The following DESI1 variants were observed in gnomAD, a reference collection of about 807,000 sequenced individuals.
DESI1 encodes desumoylating isopeptidase 1.
A neutral mutation model predicts 22.4 loss-of-function variants in DESI1; 17 were observed. The ratio of observed to expected loss-of-function variants is 0.76; its 90% CI spans 0.52 to 1.14. The LOEUF (loss-of-function observed/expected upper bound fraction) is 1.14, where lower values mean the gene tolerates loss of function less well. DESI1 is among the 50% of genes most tolerant of loss of function. The probability of loss-of-function intolerance (pLI) is 0.00; values close to 1 mark genes in which losing one functional copy is unlikely to be tolerated. For synonymous variants in DESI1, 92 were observed against 84.2 expected (o/e 1.09, Z -0.51); for missense variants, 177 against 208.9 (o/e 0.85, Z 0.94).
In DESI1 at chr22:41,601,148, C is replaced by T. The variant is rs2067447786; in HGVS notation, c.456G>A (p.Gln152=). ...CGGAGCTCCCTCCTGGAGGCTGGAT[C>T]TGAATGGAGTCCAGGAGGGGCCGAA... ...QALRPLLDSI[Q]IQPPGGSSVG... Residue 152 remains glutamine, a synonymous_variant, in exon 6 of 6, where the codon CAG becomes CAA. Transcript: ENST00000263256. The T allele has an allele frequency of 1.2e-6, 2 of 1,613,168 alleles. No homozygotes were observed. The highest frequency in any genetic ancestry group is 1.7e-6 in the Non-Finnish European group (2 of 1,179,804).
At position 41,607,300 on chromosome 22, in the gene DESI1, A is replaced by C; in HGVS notation, c.142T>G (p.Phe48Val). Residue 48 changes from phenylalanine to valine, a missense_variant, in exon 3 of 6, where the codon TTC becomes GTC. By Grantham distance (50) the Phe-to-Val change is conservative. Transcript: ENST00000263256. ...GAGATACCACCACTGCCGAAGAAGA[A>C]CTCATCCTTGTGCACAACTATGGAT... ...HTSIVVHKDEFFFGSGGISSC... is the reference protein window; with the variant it reads ...HTSIVVHKDEVFFGSGGISSC... The C allele has an allele frequency of 6.2e-7, 1 of 1,612,930 alleles. No individual in the cohort carries two copies. The highest frequency in any genetic ancestry group is 8.5e-7 in the Non-Finnish European group (1 of 1,179,418).
chr22:41,610,805 G>A (rs1172095250), intron 1 of DESI1, among the ~76,000 whole-genome samples: 8 of 152,048 alleles, frequency 5.3e-5, no homozygotes, highest in African/African-American at 1.4e-4. Context: ...CCCAGGAGGC[G>A]GAGGTTGCGA....
intron 4 of DESI1, among the ~76,000 whole-genome samples, chr22:41,603,641 G>GT (rs1177797021): frequency 2.0e-5 from 3 of 152,248 alleles, no homozygotes; most frequent in Non-Finnish European, 4.4e-5. Context: ...GAACTCTGGT[G>GT]TTAAGAGTTT....
chr22:41,604,080 A>G lies in DESI1; in HGVS notation c.254T>C (p.Leu85Pro). ...CTCCCCCAGGGAGGAGAGGTACTCC[A>G]GAAAGATTTCTTCTGTGACTTCTGT... ...GSTEVTEEIFLEYLSSLGESL... is the reference protein window; with the variant it reads ...GSTEVTEEIFPEYLSSLGESL... Residue 85 changes from leucine (L) to proline (P), a missense_variant, in exon 4 of 6, where the codon CTG (leucine) becomes CCG (proline). Leu to Pro is a moderately conservative substitution (Grantham distance 98). Coordinates refer to ENST00000263256, the MANE Select transcript of DESI1 (RefSeq NM_015704.3). 1 of 1,613,952 alleles carries G rather than the reference A, an allele frequency of 6.2e-7. No homozygotes were observed. Among genetic ancestry groups the G allele is most frequent in the Non-Finnish European group, 8.5e-7 (1 of 1,180,014 alleles).
At chr22:41,601,240 C>T (rs1569064441) in intron 5 of DESI1, 50 bp from the exon 6 acceptor site, 1 of 1,528,610 alleles carries the variant, frequency 6.5e-7, no homozygotes, top group Admixed American at 2.0e-5. Context: ...ATGTGGCCTG[C>T]TGTCACACAC....
intron 1 of DESI1, among the ~76,000 whole-genome samples, chr22:41,618,860 C>T (rs1460569485): frequency 1.3e-5 from 2 of 152,102 alleles, no homozygotes; most frequent in African/African-American, 2.4e-5. Flanking sequence ...GTGAGGAGAT[C>T]GAGACCATCC....
At chr22:41,606,625 T>C (rs1247394781) in intron 3 of DESI1, among the ~76,000 whole-genome samples, 4 of 151,440 alleles carry the variant, frequency 2.6e-5, no homozygotes, top group Non-Finnish European at 5.9e-5. Context: ...ATACAAAAAA[T>C]TAGCTGGGTG....
chr22:41,601,631 C>A (rs529944326), intron 5 of DESI1, among the ~76,000 whole-genome samples: 1 of 152,294 alleles, frequency 6.6e-6, no homozygotes, highest in East Asian at 1.9e-4. Context: ...CAGCAAACAA[C>A]TGGATTTTTT....
At chr22:41,615,722 T>C (rs1389790396) in intron 1 of DESI1, among the ~76,000 whole-genome samples, 1 of 152,186 alleles carries the variant, frequency 6.6e-6, no homozygotes, top group East Asian at 1.9e-4. Flanking sequence ...TGGGGACATA[T>C]AGGAAGGGGA....
intron 5 of DESI1, chr22:41,602,656 G>T: frequency 2.0e-6 from 2 of 987,214 alleles, no homozygotes. Flanking sequence ...GATGGCTTTG[G>T]GGGTGTTGTG....
rs112090062 is a variant in DESI1 at position 41,602,981 on chromosome 22, C to G, written c.413+278G>C. 729 of 585,592 alleles carry G rather than the reference C, an allele frequency of 1.2e-3. 5 individuals are homozygous for G. The highest frequency in any genetic ancestry group is 0.012 in the African/African-American group (651 of 52,824). 36.3% of individuals were successfully genotyped at this position (585,592 alleles called of 1,614,324 possible). On this transcript the variant is annotated intron_variant, in intron 5 of 5. Coordinates refer to ENST00000263256, the MANE Select transcript of DESI1 (RefSeq NM_015704.3). The stretch of plus-strand genomic sequence containing the variant: ...TCGAGCACAATGGGAAGGACAGACG[C>G]CAGAATTTTGTGCAAGTACTGAAGC...
chr22:41,612,910 G>C (rs1044029158), intron 1 of DESI1, among the ~76,000 whole-genome samples: 7 of 152,032 alleles, frequency 4.6e-5, no homozygotes, highest in African/African-American at 7.2e-5. Flanking sequence ...AGGGATGCAG[G>C]GGCAATGACA....
rs1009297693 is a variant in DESI1 at position 41,599,882 on chromosome 22, C to T, written c.*1215G>A. The T allele has an allele frequency of 6.9e-6, 1 of 145,524 alleles. No individual in the cohort carries two copies. The highest frequency in any genetic ancestry group is 6.8e-5 in the Admixed American group (1 of 14,746). 9.0% of individuals were successfully genotyped at this position (145,524 alleles called of 1,614,324 possible). A position where few individuals can be genotyped will look rare whatever the true frequency, so the allele number is the denominator to read the frequency against. ...CCTCACATCATTATTCTTTCCATAT[C>T]AAAGGTATTTTCTGGCCAGGCAGCG... On this transcript the variant is annotated 3_prime_UTR_variant, in exon 6 of 6. Transcript: ENST00000263256.
chr22:41,620,865 G>A lies in DESI1; in HGVS notation c.-26C>T, dbSNP rs966626627. 1.3e-6 allele frequency: 2 copies of A among 1,592,134 alleles called. No homozygotes were observed. The highest frequency in any genetic ancestry group is 8.5e-7 in the Non-Finnish European group (1 of 1,170,060). On this transcript the variant is annotated 5_prime_UTR_variant, in exon 1 of 6. Transcript: ENST00000263256. ...TGGGACCCGTGGCGACGGCGGCCACGACGGCCCTCGGGCACCCGGCAGCGG... is the reference window on the plus strand; with the variant it reads ...TGGGACCCGTGGCGACGGCGGCCACAACGGCCCTCGGGCACCCGGCAGCGG...
chr22:41,612,383 C>T (rs911882532), intron 1 of DESI1, among the ~76,000 whole-genome samples: 12 of 152,092 alleles, frequency 7.9e-5, no homozygotes, highest in Non-Finnish European at 1.3e-4. Flanking sequence ...GTGGCACACA[C>T]CTGTAATTCT....
chr22:41,611,649 A>G lies in DESI1; in HGVS notation c.89-3788T>C, dbSNP rs181911964. ...ACTCTGTTGCCCAGGCTGGAGTACG[A>G]TGGTGTGATCTTGGCTGACTGTAAC... On this transcript the variant is annotated intron_variant, in intron 1 of 5. Transcript: ENST00000263256. Among the ~76,000 whole-genome samples, 8 of 134,344 alleles carry G rather than the reference A, an allele frequency of 6.0e-5. No individual in the cohort carries two copies. In the East Asian group the frequency reaches 1.8e-3, roughly 30 times the overall value. 88.1% of individuals were successfully genotyped at this position (134,344 alleles called of 152,430 possible).
chr22:41,620,751 C>T lies in DESI1; in HGVS notation c.88+1G>A. ...TGCCCACCTGGCCCCTTCCCCCTCA[C>T]CCAGCATGATGGGGCTGAGCCGCCG... On this transcript the variant is annotated splice_donor_variant, in intron 1 of 5. Coordinates refer to ENST00000263256, the MANE Select transcript of DESI1 (RefSeq NM_015704.3). LOFTEE classifies it high-confidence loss of function. The T allele has an allele frequency of 6.2e-7, 1 of 1,608,418 alleles. No individual in the cohort carries two copies. Among genetic ancestry groups the T allele is most frequent in the Non-Finnish European group, 8.5e-7 (1 of 1,177,592 alleles).
chr22:41,613,554 C>G (rs2067531042), intron 1 of DESI1, among the ~76,000 whole-genome samples: 1 of 152,210 alleles, frequency 6.6e-6, no homozygotes, highest in Non-Finnish European at 1.5e-5. Context: ...GGACCTGGTC[C>G]TGAGATGTGA....
intron 3 of DESI1, among the ~76,000 whole-genome samples, chr22:41,606,730 C>T (rs1036088115): frequency 7.8e-5 from 11 of 140,802 alleles, no homozygotes; most frequent in Non-Finnish European, 1.5e-4. Context: ...GCCGAGATCG[C>T]ACCACTGCAC....
Sources: gnomAD v4.1 joint callset for allele counts (sites outside exome capture counted in the v4.1 genomes callset) on GRCh38, gnomAD v4.1.1 for gene constraint, MANE v1.5 for transcripts, NCBI Gene and HGNC (gene_info 2026-07-23, HGNC 2026-07-21) for gene names.